The following SMPD3 variants were observed in gnomAD, a reference collection of about 807,000 sequenced individuals.
SMPD3 encodes sphingomyelin phosphodiesterase 3, also known as nSMase-2.
Under a neutral mutation model 55.7 loss-of-function variants are expected in SMPD3, and 21 were observed. The ratio of observed to expected loss-of-function variants is 0.38; its 90% confidence interval spans 0.27 to 0.54. The LOEUF is 0.54. Among genes scored for constraint, SMPD3 ranks in the 20% least tolerant of loss-of-function variants. SMPD3 has a pLI of 0.80. For synonymous variants in SMPD3, 457 were observed against 404.3 expected (o/e 1.13, Z -1.56); for missense variants, 842 against 899.6 (o/e 0.94, Z 0.82).
At chr16:68,401,454 G>A (rs1324805274) in intron 1 of SMPD3, among the ~76,000 whole-genome samples, 3 of 152,074 alleles carry the variant, frequency 2.0e-5, no homozygotes, top group Non-Finnish European at 4.4e-5. Flanking sequence ...GGGGTGATAG[G>A]GGTATAGGAG....
chr16:68,391,851 G>C (rs1311007017), intron 1 of SMPD3, among the ~76,000 whole-genome samples: 1 of 152,136 alleles, frequency 6.6e-6, no homozygotes, highest in Admixed American at 6.5e-5. Flanking sequence ...AAGTATAGAT[G>C]GTCTCTGACT....
rs2089435107 is a variant in SMPD3 at position 68,365,025 on chromosome 16, G to A, written c.1391C>T (p.Ala464Val). 1 of 1,614,114 alleles carries A rather than the reference G, an allele frequency of 6.2e-7. No homozygotes were observed. The highest frequency in any genetic ancestry group is 1.7e-5 in the Admixed American group (1 of 60,018). The change falls in exon 4 of 9, where the codon GCC becomes GTC. Residue 464 changes from alanine to valine, a missense_variant. Physicochemically the swap from Ala to Val is moderately conservative, Grantham distance 64. Coordinates refer to ENST00000219334, the MANE Select transcript of SMPD3 (RefSeq NM_018667.4). ...GTGGGCGGCAACCCTACCTTGCGGG[G>A]CATGCAGGTGTGTGCAGGCGATGTA... ...VGYIACTHLH[A>V]PQEDSAIRCG...
At chr16:68,430,595 G>T (rs1017116277) in intron 1 of SMPD3, among the ~76,000 whole-genome samples, 1 of 152,120 alleles carries the variant, frequency 6.6e-6, no homozygotes, top group African/African-American at 2.4e-5. Context: ...TGCCTATGAA[G>T]AAGCACTGGG....
intron 1 of SMPD3, among the ~76,000 whole-genome samples, chr16:68,422,177 C>A (rs530332132): frequency 1.3e-5 from 2 of 152,332 alleles, no homozygotes; most frequent in African/African-American, 4.8e-5. Context: ...TTGATTTTAG[C>A]TCAGTGAAAT....
intron 3 of SMPD3, among the ~76,000 whole-genome samples, chr16:68,366,172 C>T (rs2089472645): frequency 6.6e-6 from 1 of 152,258 alleles, no homozygotes; most frequent in Non-Finnish European, 1.5e-5. Context: ...GGGCAGAGGG[C>T]CGCAGGGTGG....
chr16:68,381,513 T>C (rs556892766), intron 2 of SMPD3, among the ~76,000 whole-genome samples: 1 of 152,198 alleles, frequency 6.6e-6, no homozygotes, highest in Non-Finnish European at 1.5e-5. Flanking sequence ...CTGCACTTCC[T>C]GGTCCTCTGG....
rs1305260089 is a variant in SMPD3, at chr16:68,372,188, T to C, written c.-7A>G. ...GGGTCGTGTACAAAACCATCGCAGC[T>C]CACTGGGCGCCGCAGCCGGCCCTAC... On this transcript the variant is annotated 5_prime_UTR_variant, in exon 3 of 9. Coordinates refer to ENST00000219334, the MANE Select transcript of SMPD3 (RefSeq NM_018667.4). 1 of 1,610,178 alleles carries C rather than the reference T, an allele frequency of 6.2e-7. No homozygotes were observed. Among genetic ancestry groups the C allele is most frequent in the Non-Finnish European group, 8.5e-7 (1 of 1,178,800 alleles).
In SMPD3 at chr16:68,433,810, A is replaced by C. The variant is rs117261902; in HGVS notation, c.-269+14543T>G. On this transcript the variant is annotated intron_variant, in intron 1 of 8. Transcript: ENST00000219334. ...CAAACCCCATGAATATATGTTCTCA[A>C]ATCTTGGAAATTCTAAACCCTATCT... 1.4e-3 allele frequency among the ~76,000 whole-genome samples: 212 copies of C among 152,114 alleles called. 2 individuals carry two copies. The highest frequency in any genetic ancestry group is 2.1e-3 in the Non-Finnish European group (141 of 68,000).
intron 3 of SMPD3, chr16:68,367,415 T>C (rs2089514308): frequency 6.9e-6 from 1 of 144,814 alleles, no homozygotes; most frequent in Non-Finnish European, 1.5e-5. Context: ...AAGAGGCAGC[T>C]TCCAGTCGGA....
chr16:68,366,352 A>G (rs2044093120), intron 3 of SMPD3, among the ~76,000 whole-genome samples: 1 of 152,162 alleles, frequency 6.6e-6, no homozygotes, highest in East Asian at 1.9e-4. Context: ...ACAGCTCTTC[A>G]TCCCCTTCCC....
At chr16:68,362,058 TC>T (rs1158988753) in intron 7 of SMPD3, among the ~76,000 whole-genome samples, 1 of 152,286 alleles carries the variant, frequency 6.6e-6, no homozygotes, top group South Asian at 2.1e-4. Context: ...TCCCACCCGT[TC>T]CCCAGAATGG....
At chr16:68,434,188 A>G (rs545115813) in intron 1 of SMPD3, among the ~76,000 whole-genome samples, 34 of 152,310 alleles carry the variant, frequency 2.2e-4, no homozygotes, top group African/African-American at 7.7e-4. Flanking sequence ...AATTTTCATT[A>G]TATTACTCCT....
chr16:68,377,221 G>C (rs1302639458), intron 2 of SMPD3, among the ~76,000 whole-genome samples: 1 of 152,212 alleles, frequency 6.6e-6, no homozygotes, highest in Non-Finnish European at 1.5e-5. Flanking sequence ...CTGGGCTGCA[G>C]GGAGCAGAGA....
chr16:68,368,859 T>C (rs2089568198), intron 3 of SMPD3: 1 of 152,216 alleles, frequency 6.6e-6, no homozygotes, highest in African/African-American at 2.4e-5. Flanking sequence ...GTACGGAATG[T>C]GGCAGGCCTG....
At chr16:68,444,100 G>A (rs1370403816) in intron 1 of SMPD3, among the ~76,000 whole-genome samples, 1 of 152,230 alleles carries the variant, frequency 6.6e-6, no homozygotes. Flanking sequence ...AAGTAATGCA[G>A]TAATATCCAC....
In SMPD3 at chr16:68,374,147, G is replaced by A. The variant is rs181845471; in HGVS notation, c.-206-1760C>T. ...GCCCTAGAGTCCCAGGCTTGCACCA[G>A]CAGGTATGCAGGACATGGGGGATGA... On this transcript the variant is annotated intron_variant, in intron 2 of 8. Coordinates refer to ENST00000219334, the MANE Select transcript of SMPD3 (RefSeq NM_018667.4). Among the ~76,000 whole-genome samples the A allele has an allele frequency of 2.2e-4, 34 of 152,354 alleles. 1 individual carries two copies. The East Asian group carries it at 3.1e-3, about 14-fold the overall frequency.
At chr16:68,375,006 C>T (rs1239307538) in intron 2 of SMPD3, among the ~76,000 whole-genome samples, 2 of 152,178 alleles carry the variant, frequency 1.3e-5, no homozygotes, top group African/African-American at 4.8e-5. Flanking sequence ...CTGGACGTCA[C>T]CCCAATGTCA....
chr16:68,374,296 T>TC (rs1232199869), intron 2 of SMPD3, among the ~76,000 whole-genome samples: 2 of 152,184 alleles, frequency 1.3e-5, no homozygotes, highest in African/African-American at 4.8e-5. Flanking sequence ...GCAGTCACCA[T>TC]CTCCAGGGCT....
intron 2 of SMPD3, among the ~76,000 whole-genome samples, chr16:68,376,856 C>G (rs2089829724): frequency 6.6e-6 from 1 of 152,234 alleles, no homozygotes; most frequent in African/African-American, 2.4e-5. Context: ...GCTTGGGACT[C>G]AGGGTGACCT....
Sources: gnomAD v4.1 joint callset for allele counts (sites outside exome capture counted in the v4.1 genomes callset) on GRCh38, gnomAD v4.1.1 for gene constraint, MANE v1.5 for transcripts, NCBI Gene and HGNC (gene_info 2026-07-23, HGNC 2026-07-21) for gene names.